NKAP: variants seen among roughly 807,000 people sequenced by gnomAD.
NKAP encodes the protein NFKB activating protein, also known as NF-kappa-B-activating protein.
NKAP carries 4 observed loss-of-function variants against 35.6 expected under a neutral mutation model. That is an observed-to-expected ratio of 0.11 (90% CI 0.06 to 0.26). NKAP has a LOEUF of 0.26. Ranked by LOEUF, NKAP falls within the 10% of genes least tolerant of loss-of-function variation. The pLI, the probability that NKAP is intolerant of heterozygous loss-of-function variation, is 1.00. For synonymous variants in NKAP, 106 were observed against 119.2 expected, an observed-to-expected ratio of 0.89 and a Z score of 0.72; for missense variants, 238 against 321.9, an observed-to-expected ratio of 0.74 and a Z score of 1.99.
At chrX:119,931,374 C>T (rs1212943473) in intron 7 of NKAP, among the ~76,000 whole-genome samples, 3 of 108,604 alleles carry the variant, frequency 2.8e-5, no homozygotes, top group Non-Finnish European at 5.7e-5. Flanking sequence ...AGTGTGGTGG[C>T]GCGTGCCTGT....
At position 119,932,089 on chromosome X, in the gene NKAP, TC is replaced by T; in HGVS notation, c.847+17del. ...TAATGTTTCATCTGTTCTGAGTTAG[TC>T]TATCAGAAGAACCTACTTGTTCGAT... is the stretch of plus-strand genomic sequence containing the variant. On this transcript the variant is annotated intron_variant, in intron 6 of 8. Transcript: ENST00000371410. 1 of 1,186,432 alleles carries T rather than the reference TC, an allele frequency of 8.4e-7. No individual in the cohort carries two copies.
At chrX:119,927,943 C>A (rs896635484) in intron 8 of NKAP, among the ~76,000 whole-genome samples, 1 of 111,663 alleles carries the variant, frequency 9.0e-6, no homozygotes, top group Admixed American at 9.6e-5. Flanking sequence ...TGGTATCTCT[C>A]CAGCTATTTA....
intron 8 of NKAP, among the ~76,000 whole-genome samples, chrX:119,927,680 C>T (rs2056721953): frequency 8.9e-6 from 1 of 112,506 alleles, no homozygotes; most frequent in Non-Finnish European, 1.9e-5. Context: ...AGTTGTTCTC[C>T]TATGCTTTCT....
In NKAP at chrX:119,925,087, T is replaced by C; in HGVS notation, c.*133A>G. 1.6e-6 allele frequency: 1 copy of C among 635,426 alleles called. No individual in the cohort carries two copies. The highest frequency in any genetic ancestry group is 3.3e-5 in the East Asian group (1 of 29,938). The allele number at this position is 635,426 out of a possible 1,213,427, so 52.4% of individuals were successfully genotyped here. A position where few individuals can be genotyped will look rare whatever the true frequency, so the allele number is the denominator to read the frequency against. ...AATAAGCAGCTTTTTATTGAAGGACTGAAAGAATTAAATAGAAGGCACAGT... is the reference window on the plus strand; with the variant it reads ...AATAAGCAGCTTTTTATTGAAGGACCGAAAGAATTAAATAGAAGGCACAGT... On this transcript the variant is annotated 3_prime_UTR_variant, in exon 9 of 9. Coordinates refer to ENST00000371410, the MANE Select transcript of NKAP (RefSeq NM_024528.4).
intron 8 of NKAP, among the ~76,000 whole-genome samples, 185 bp downstream of exon 8, chrX:119,929,831 A>G (rs1160018507): frequency 8.9e-6 from 1 of 112,324 alleles, no homozygotes; most frequent in Non-Finnish European, 1.9e-5. Flanking sequence ...GCTGAGTTGC[A>G]TATATACTTG....
intron 6 of NKAP, 46 bp downstream of exon 6, chrX:119,932,058 TTAC>T: frequency 8.5e-7 from 1 of 1,180,409 alleles, no homozygotes. Flanking sequence ...GACTAATTGG[TTAC>T]TTTAATGTTT....
At chrX:119,940,354 CAAAA>C (rs386419406) in intron 1 of NKAP, among the ~76,000 whole-genome samples, 1 of 68,996 alleles carries the variant, frequency 1.4e-5, no homozygotes, top group Non-Finnish European at 2.7e-5. Context: ...AATAAAAAAC[CAAAA>C]AAAAAAAAAA....
chrX:119,938,171 G>T (rs1451823516), intron 2 of NKAP: 1 of 111,730 alleles, frequency 9.0e-6, no homozygotes, highest in Non-Finnish European at 1.9e-5. Context: ...CACGAGGTCA[G>T]GAGCTCGAGA....
intron 7 of NKAP, among the ~76,000 whole-genome samples, chrX:119,930,878 C>T (rs867931776): frequency 2.7e-5 from 3 of 109,965 alleles, no homozygotes; most frequent in Non-Finnish European, 3.8e-5. Flanking sequence ...CAGTGGCTGA[C>T]GCCTGTAATC....
At chrX:119,936,815 G>C in intron 2 of NKAP, 133 bp from the exon 3 acceptor site, 1 of 493,300 alleles carries the variant, frequency 2.0e-6, no homozygotes, top group Non-Finnish European at 3.5e-6. Flanking sequence ...AAGCATTGGA[G>C]ATCCTAAGGC....
At chrX:119,936,850 A>C (rs767612014) in intron 2 of NKAP, 168 bp from the exon 3 acceptor site, 88 of 413,738 alleles carry the variant, frequency 2.1e-4, no homozygotes, top group Middle Eastern at 4.0e-4. Context: ...AAAAAAACCA[A>C]AACAACAACA....
chrX:119,931,892 T>A (rs1440821156), intron 7 of NKAP, 44 bp downstream of exon 7: 7 of 1,040,261 alleles, frequency 6.7e-6, no homozygotes, highest in Non-Finnish European at 7.9e-6. Flanking sequence ...AGAACCAGAC[T>A]TTTTGGTAGG....
Position 119,925,070 on chromosome X carries a change from G to C in NKAP, c.*150C>G, listed in dbSNP as rs755779924. 394 of 554,631 alleles carry C rather than the reference G, an allele frequency of 7.1e-4. 1 individual carries two copies. Among genetic ancestry groups the C allele is most frequent in the Non-Finnish European group, 1.0e-3 (367 of 353,855 alleles). 45.7% of individuals were successfully genotyped at this position (554,631 alleles called of 1,213,427 possible). A position where few individuals can be genotyped will look rare whatever the true frequency, so the allele number is the denominator to read the frequency against. On this transcript the variant is annotated 3_prime_UTR_variant, in exon 9 of 9. Transcript: ENST00000371410. ...CTTGCTAAAGTTATATCAATAAGCAGCTTTTTATTGAAGGACTGAAAGAAT... is the reference window on the plus strand; with the variant it reads ...CTTGCTAAAGTTATATCAATAAGCACCTTTTTATTGAAGGACTGAAAGAAT...
intron 7 of NKAP, among the ~76,000 whole-genome samples, chrX:119,931,709 A>G (rs747082759): frequency 1.8e-5 from 2 of 110,979 alleles, no homozygotes; most frequent in African/African-American, 6.5e-5. Flanking sequence ...ATAGGGAAGA[A>G]AACAGAGGGC....
At chrX:119,931,898 G>T in intron 7 of NKAP, 38 bp downstream of exon 7, 2 of 1,053,834 alleles carry the variant, frequency 1.9e-6, no homozygotes, top group Non-Finnish European at 2.6e-6. Context: ...AGACTTTTTG[G>T]TAGGTACTTT....
chrX:119,931,979 C>G lies in NKAP; in HGVS notation c.880G>C (p.Glu294Gln). The change falls in exon 7 of 9, where the codon GAG becomes CAG. Residue 294 changes from glutamate (E) to glutamine (Q), a missense_variant. Physicochemically the swap from Glu to Gln is conservative, Grantham distance 29. Transcript: ENST00000371410. ...TGAGAGGTAAGTGTTTTTGGAGCCT[C>G]TGGGCCAATTAAATCTGATGGTTCT... ...AEEPSDLIGP[E>Q]APKTLTSQDD... The G allele has an allele frequency of 8.3e-7, 1 of 1,207,797 alleles. No individual in the cohort carries two copies. Among genetic ancestry groups the G allele is most frequent in the Non-Finnish European group, 1.1e-6 (1 of 892,785 alleles).
In NKAP at chrX:119,943,650, C is replaced by T. The variant is rs766324821; in HGVS notation, c.-45G>A. 9.7e-6 allele frequency: 11 copies of T among 1,129,939 alleles called. No individual in the cohort carries two copies. The highest frequency in any genetic ancestry group is 6.2e-4 in the Middle Eastern group (2 of 3,214). The allele number at this position is 1,129,939 out of a possible 1,213,427, so 93.1% of individuals were successfully genotyped here. On this transcript the variant is annotated 5_prime_UTR_variant, in exon 1 of 9. Coordinates refer to ENST00000371410, the MANE Select transcript of NKAP (RefSeq NM_024528.4). ...CAGCCGTGGGACAAGGGGGCGCTCT[C>T]GCGAGCCTAGGAAGATGTCTGTTGC...
At chrX:119,942,233 G>C (rs1386679346) in intron 1 of NKAP, among the ~76,000 whole-genome samples, 1 of 111,097 alleles carries the variant, frequency 9.0e-6, no homozygotes, top group East Asian at 2.8e-4. Flanking sequence ...AGCACTTCCG[G>C]AGGCCAACGT....
At chrX:119,942,620 A>AT (rs2056798653) in intron 1 of NKAP, among the ~76,000 whole-genome samples, 1 of 111,830 alleles carries the variant, frequency 8.9e-6, no homozygotes, top group Non-Finnish European at 1.9e-5. Context: ...GGGGTCATCT[A>AT]TAGCTTATCA....
Sources: gnomAD v4.1 joint callset for allele counts (sites outside exome capture counted in the v4.1 genomes callset) on GRCh38, gnomAD v4.1.1 for gene constraint, MANE v1.5 for transcripts, NCBI Gene and HGNC (gene_info 2026-07-23, HGNC 2026-07-21) for gene names.